The following R3HDM1 variants were observed in gnomAD, a reference collection of about 807,000 sequenced individuals.
The protein encoded by R3HDM1 is R3H domain containing 1, also known as R3H domain-containing protein 1.
In R3HDM1, 46 loss-of-function variants were observed where a neutral mutation model predicts 141.1. The observed-to-expected ratio is 0.33, with a 90% CI of 0.26 to 0.42. R3HDM1 has a LOEUF of 0.42. Among genes scored for constraint, R3HDM1 ranks in the 10% least tolerant of loss-of-function variants. The pLI, the probability that R3HDM1 is intolerant of heterozygous loss-of-function variation, is 1.00. For synonymous variants in R3HDM1, 435 were observed against 472.9 expected, an observed-to-expected ratio of 0.92 and a Z score of 1.04; for missense variants, 1,184 against 1,368.3, an observed-to-expected ratio of 0.87 and a Z score of 2.12.
At chr2:135,707,508 A>C (rs1473936949) in intron 21 of R3HDM1, among the ~76,000 whole-genome samples, 1 of 152,192 alleles carries the variant, frequency 6.6e-6, no homozygotes, top group Non-Finnish European at 1.5e-5. Context: ...AGAGTGGTAA[A>C]ATGAAATCGC....
At chr2:135,669,456 T>C in intron 19 of R3HDM1, 3 of 984,566 alleles carry the variant, frequency 3.0e-6, no homozygotes, top group Non-Finnish European at 3.6e-6. Context: ...ATTATCTGTT[T>C]TCCTGTAATT....
chr2:135,533,479 A>C (rs539295454), intron 1 of R3HDM1, among the ~76,000 whole-genome samples: 6 of 152,348 alleles, frequency 3.9e-5, no homozygotes, highest in Admixed American at 3.9e-4. Context: ...AGTCTTCTAC[A>C]TTTTCTTCCT....
intron 17 of R3HDM1, 89 bp downstream of exon 17, chr2:135,650,092 T>C: frequency 9.7e-7 from 1 of 1,028,550 alleles, no homozygotes; most frequent in Non-Finnish European, 1.2e-6. Context: ...ATATGATCTT[T>C]TGTGATTTTT....
chr2:135,644,785 A>G (rs2064202224), intron 15 of R3HDM1, among the ~76,000 whole-genome samples: 1 of 152,156 alleles, frequency 6.6e-6, no homozygotes, highest in South Asian at 2.1e-4. Context: ...GTGTTTCGCA[A>G]TTCAGAGTTT....
intron 1 of R3HDM1, among the ~76,000 whole-genome samples, chr2:135,566,233 A>C (rs1399935164): frequency 6.6e-6 from 1 of 152,140 alleles, no homozygotes; most frequent in Non-Finnish European, 1.5e-5. Context: ...AGCTAGACAC[A>C]CCCTTTTGAA....
chr2:135,537,359 T>C, intron 1 of R3HDM1, among the ~76,000 whole-genome samples: 1 of 135,680 alleles, frequency 7.4e-6, no homozygotes, highest in African/African-American at 2.8e-5. Flanking sequence ...AATCTCGGCC[T>C]ACTGCAACCT....
chr2:135,722,731 G>A (rs1267746891), intron 26 of R3HDM1, among the ~76,000 whole-genome samples, 178 bp downstream of exon 26: 3 of 152,154 alleles, frequency 2.0e-5, no homozygotes, highest in Non-Finnish European at 4.4e-5. Flanking sequence ...TTTGAGATGT[G>A]AGAGTATATA....
At chr2:135,604,048 A>G (rs1335647912) in intron 2 of R3HDM1, among the ~76,000 whole-genome samples, 1 of 152,172 alleles carries the variant, frequency 6.6e-6, no homozygotes. Flanking sequence ...AATCTTATGT[A>G]TTTGATTTCC....
intron 1 of R3HDM1, among the ~76,000 whole-genome samples, chr2:135,580,075 A>G (rs777053638): frequency 1.1e-4 from 16 of 152,014 alleles, no homozygotes; most frequent in Non-Finnish European, 1.5e-4. Context: ...CCTGGGCAAT[A>G]TGGCAAAAAC....
At chr2:135,649,855 C>G (rs978388205) in intron 16 of R3HDM1, 47 bp from the exon 17 acceptor site, 1 of 1,075,526 alleles carries the variant, frequency 9.3e-7, no homozygotes, top group Non-Finnish European at 1.2e-6. Context: ...ATTCTTCTAA[C>G]GTTTTATTCT....
rs747221878 is a variant in R3HDM1 at position 135,604,790 on chromosome 2, A to AT, written c.-40-7dup. On this transcript the variant is annotated splice_polypyrimidine_tract_variant and intron_variant, in intron 2 of 26. Transcript: ENST00000683871. ...TGTAAAAAAGTTTCAAACTGTATTA[A>AT]TTTTTTTTTCTTAAGGCTTCAAGCT... 627 of 1,539,492 alleles carry AT rather than the reference A, an allele frequency of 4.1e-4. No homozygotes were observed. Among genetic ancestry groups the AT allele is most frequent in the East Asian group, 4.6e-4 (20 of 43,710 alleles).
intron 3 of R3HDM1, among the ~76,000 whole-genome samples, chr2:135,611,206 G>C (rs534354568): frequency 3.3e-5 from 5 of 151,958 alleles, no homozygotes; most frequent in Admixed American, 1.3e-4. Context: ...CAGAATGCTT[G>C]AGTCCAGGAG....
chr2:135,554,674 G>A (rs1700405180), intron 1 of R3HDM1, among the ~76,000 whole-genome samples: 1 of 152,132 alleles, frequency 6.6e-6, no homozygotes, highest in Non-Finnish European at 1.5e-5. Context: ...AATAACTGGT[G>A]TCTATAAAAA....
chr2:135,542,109 T>G (rs549467479), intron 1 of R3HDM1, among the ~76,000 whole-genome samples: 2 of 152,328 alleles, frequency 1.3e-5, no homozygotes, highest in African/African-American at 4.8e-5. Context: ...AAAACAAAGT[T>G]TTGACTGCAA....
At chr2:135,664,386 A>G (rs1036464293) in intron 19 of R3HDM1, among the ~76,000 whole-genome samples, 1 of 152,186 alleles carries the variant, frequency 6.6e-6, no homozygotes, top group Non-Finnish European at 1.5e-5. Context: ...GGGTGAAACT[A>G]ATTATTCAAC....
chr2:135,670,212 A>T, intron 19 of R3HDM1: 1 of 590,774 alleles, frequency 1.7e-6, no homozygotes, highest in Non-Finnish European at 2.1e-6. Flanking sequence ...ATTATATTTT[A>T]AATGAAAATT....
intron 1 of R3HDM1, among the ~76,000 whole-genome samples, chr2:135,540,533 C>T (rs1697251013): frequency 6.6e-6 from 1 of 152,174 alleles, no homozygotes; most frequent in Admixed American, 6.5e-5. Flanking sequence ...TCAAGCAGTT[C>T]TCCCACCTCA....
chr2:135,724,250 G>T lies in R3HDM1; in HGVS notation c.3363G>T (p.Lys1121Asn). 1 of 1,613,736 alleles carries T rather than the reference G, an allele frequency of 6.2e-7. No homozygotes were observed. The highest frequency in any genetic ancestry group is 8.5e-7 in the Non-Finnish European group (1 of 1,179,896). Reference protein sequence around the residue: ...VNKFKLRTSKKHYDFHILERA... With the variant: ...VNKFKLRTSKNHYDFHILERA... ...AGTTTAAGCTGAGAACAAGCAAGAA[G>T]CACTATGACTTTCACATTTTGGAAA... Residue 1121 changes from lysine (K) to asparagine (N), a missense_variant, in exon 27 of 27, where the codon AAG (lysine) becomes AAT (asparagine). Physicochemically the swap from Lys to Asn is moderately conservative, Grantham distance 94. This residue lies in a region of R3HDM1 where 182 missense variants were observed against 252.6 expected (regional missense o/e 0.72). Transcript: ENST00000683871.
rs575106381 is a variant in R3HDM1 at position 135,654,679 on chromosome 2, C to T, written c.2028+2647C>T. Among the ~76,000 whole-genome samples, 52 of 152,092 alleles carry T rather than the reference C, an allele frequency of 3.4e-4. 1 individual carries two copies. The highest frequency in any genetic ancestry group is 1.2e-3 in the Admixed American group (18 of 15,276). ...GGCCAGGCTGGTCTCAAACTCCTGA[C>T]CGCAAGTGATCCTCCCGCCTCGGCC... On this transcript the variant is annotated intron_variant, in intron 18 of 26. Coordinates refer to ENST00000683871, the MANE Select transcript of R3HDM1 (RefSeq NM_001378107.1).
Sources: gnomAD v4.1 joint callset for allele counts (sites outside exome capture counted in the v4.1 genomes callset) on GRCh38, gnomAD v4.1.1 for gene constraint, gnomAD v4.1.1 regional missense constraint, MANE v1.5 for transcripts, NCBI Gene and HGNC (gene_info 2026-07-23, HGNC 2026-07-21) for gene names.